OSTN: variants seen among roughly 807,000 people sequenced by gnomAD.
OSTN encodes the protein osteocrin.
A neutral mutation model predicts 12.0 loss-of-function variants in OSTN; 9 were observed. The observed-to-expected ratio is 0.75, with a 90% CI of 0.45 to 1.30. The LOEUF is 1.30. OSTN is among the 50% of genes most tolerant of loss of function. The pLI is 0.00. For synonymous variants in OSTN, 59 were observed against 56.9 expected (o/e 1.04, Z -0.16); for missense variants, 148 against 152.3 (o/e 0.97, Z 0.15).
intron 4 of OSTN, among the ~76,000 whole-genome samples, chr3:191,250,670 T>G (rs1053497197): frequency 6.6e-6 from 1 of 152,218 alleles, no homozygotes; most frequent in Non-Finnish European, 1.5e-5. Context: ...GTTAAGATAG[T>G]TTATTTTTCT....
chr3:191,262,736 A>T, intron 4 of OSTN, 130 bp from the exon 5 acceptor site: 1 of 540,016 alleles, frequency 1.9e-6, no homozygotes, highest in African/African-American at 1.9e-5. Flanking sequence ...AAAAATTGCC[A>T]TGTAAATAAA....
chr3:191,220,340 C>CT (rs1714730826), intron 3 of OSTN, among the ~76,000 whole-genome samples: 1 of 152,112 alleles, frequency 6.6e-6, no homozygotes, highest in South Asian at 2.1e-4. Flanking sequence ...TTAGACCCTA[C>CT]TTTAACTAGA....
At chr3:191,218,579 C>A (rs193144487) in intron 2 of OSTN, among the ~76,000 whole-genome samples, 168 bp from the exon 3 acceptor site, 1 of 152,152 alleles carries the variant, frequency 6.6e-6, no homozygotes, top group East Asian at 1.9e-4. Flanking sequence ...GCCGAGATCA[C>A]GCCATTGCAC....
At chr3:191,243,610 G>A (rs1449217840) in intron 3 of OSTN, among the ~76,000 whole-genome samples, 2 of 152,046 alleles carry the variant, frequency 1.3e-5, no homozygotes, top group Non-Finnish European at 2.9e-5. Context: ...AGGGTGTACA[G>A]TATGTTCTGA....
At chr3:191,205,282 G>A (rs547419462) in intron 1 of OSTN, among the ~76,000 whole-genome samples, 233 of 152,186 alleles carry the variant, frequency 1.5e-3, no homozygotes, top group African/African-American at 5.2e-3. Context: ...CCATTAAGGA[G>A]CACAGCTAAA....
At chr3:191,246,805 C>T (rs1209749255) in intron 3 of OSTN, among the ~76,000 whole-genome samples, 1 of 151,376 alleles carries the variant, frequency 6.6e-6, no homozygotes, top group Non-Finnish European at 1.5e-5. Context: ...TTCCTTGATT[C>T]ATTATCTAAG....
chr3:191,212,867 C>CTTTTTTTTTTT (rs397991965), intron 2 of OSTN, among the ~76,000 whole-genome samples: 74 of 93,080 alleles, frequency 8.0e-4, no homozygotes, highest in East Asian at 2.3e-3. Flanking sequence ...TCTTTTCTTT[C>CTTTTTTTTTTT]TTTTTTTTTT....
chr3:191,240,096 A>G (rs1255650710), intron 3 of OSTN, among the ~76,000 whole-genome samples: 1 of 152,210 alleles, frequency 6.6e-6, no homozygotes, highest in Non-Finnish European at 1.5e-5. Context: ...TTGAGAAAAA[A>G]AGCCATTATG....
intron 3 of OSTN, among the ~76,000 whole-genome samples, chr3:191,240,606 A>T (rs1715296023): frequency 6.6e-6 from 1 of 152,152 alleles, no homozygotes. Flanking sequence ...GAAAAGCTTG[A>T]CTCATTTTTT....
chr3:191,204,470 A>G (rs1714224069), intron 1 of OSTN, among the ~76,000 whole-genome samples: 1 of 152,188 alleles, frequency 6.6e-6, no homozygotes, highest in Non-Finnish European at 1.5e-5. Context: ...ATGATTTTAA[A>G]TCTCGAATTT....
At chr3:191,210,792 A>G (rs570788654) in intron 1 of OSTN, among the ~76,000 whole-genome samples, 2 of 152,320 alleles carry the variant, frequency 1.3e-5, no homozygotes, top group East Asian at 3.9e-4. Context: ...TCCCATTGCC[A>G]TGTACTAAGT....
At chr3:191,220,494 A>G (rs79468693) in intron 3 of OSTN, among the ~76,000 whole-genome samples, 4,168 of 152,278 alleles carry the variant, frequency 0.027, 205 homozygotes, top group East Asian at 0.22. Context: ...GTAATACAAG[A>G]AATGATGAAG....
Position 191,218,866 on chromosome 3 carries a change from T to G in OSTN, c.222T>G (p.Asp74Glu). ...LLDELVSLEN[D>E]VIETKKKRSF... ...ATGAATTGGTGTCCCTAGAAAATGA[T>G]GTGATTGAGACAAAGAAGAAAAGGA... Residue 74 changes from aspartate to glutamate, a missense_variant, in exon 3 of 5, where the codon GAT (aspartate) becomes GAG (glutamate). Asp to Glu is a conservative substitution (Grantham distance 45). Coordinates refer to ENST00000682035, the MANE Select transcript of OSTN (RefSeq NM_198184.2). The G allele has an allele frequency of 6.2e-7, 1 of 1,614,120 alleles. No homozygotes were observed. The highest frequency in any genetic ancestry group is 1.1e-5 in the South Asian group (1 of 91,084).
intron 3 of OSTN, among the ~76,000 whole-genome samples, chr3:191,226,400 T>C (rs947310755): frequency 6.6e-6 from 1 of 152,186 alleles, no homozygotes; most frequent in African/African-American, 2.4e-5. Flanking sequence ...AAACATGATG[T>C]ACATGTATGT....
chr3:191,208,015 T>A (rs970920554), intron 1 of OSTN, among the ~76,000 whole-genome samples: 4 of 152,152 alleles, frequency 2.6e-5, no homozygotes. Context: ...ATAGTCCAAT[T>A]GTCTAAAAAA....
chr3:191,214,325 G>A (rs888071141), intron 2 of OSTN, among the ~76,000 whole-genome samples: 1 of 150,880 alleles, frequency 6.6e-6, no homozygotes, highest in Non-Finnish European at 1.5e-5. Context: ...GTGGGCGCCT[G>A]TAGTCCCTGC....
chr3:191,233,507 G>A (rs1269078304), intron 3 of OSTN, among the ~76,000 whole-genome samples: 3 of 152,046 alleles, frequency 2.0e-5, no homozygotes, highest in Admixed American at 2.0e-4. Flanking sequence ...CAAAATCTCA[G>A]CTCACTGCAA....
chr3:191,231,608 T>C (rs1715054789), intron 3 of OSTN, among the ~76,000 whole-genome samples: 1 of 152,226 alleles, frequency 6.6e-6, no homozygotes, highest in Admixed American at 6.5e-5. Context: ...TTGTTAGTGT[T>C]ATACGCATGA....
intron 3 of OSTN, among the ~76,000 whole-genome samples, chr3:191,219,682 T>G (rs1220938058): frequency 1.3e-5 from 2 of 152,206 alleles, no homozygotes; most frequent in African/African-American, 4.8e-5. Flanking sequence ...ACTGTACATT[T>G]CATATTAGAA....
Sources: gnomAD v4.1 joint callset for allele counts (sites outside exome capture counted in the v4.1 genomes callset) on GRCh38, gnomAD v4.1.1 for gene constraint, MANE v1.5 for transcripts, NCBI Gene and HGNC (gene_info 2026-07-23, HGNC 2026-07-21) for gene names.